The following CELF4 variants were observed in gnomAD, a reference collection of about 807,000 sequenced individuals.
CELF4 encodes the protein CUGBP Elav-like family member 4, also known as CUG-BP- and ETR-3-like factor 4.
In CELF4, 18 loss-of-function variants were observed where a neutral mutation model predicts 59.9. That is an observed-to-expected ratio of 0.30 (90% CI 0.21 to 0.45). The LOEUF (loss-of-function observed/expected upper bound fraction) is 0.45, where lower values mean the gene tolerates loss of function less well. Among genes scored for constraint, CELF4 ranks in the 20% least tolerant of loss-of-function variants. CELF4 has a pLI of 1.00. For synonymous variants in CELF4, 261 were observed against 267.1 expected (o/e 0.98, Z 0.22); for missense variants, 456 against 689.0 (o/e 0.66, Z 3.79).
chr18:37,371,025 C>T (rs540666970), intron 2 of CELF4, among the ~76,000 whole-genome samples: 4 of 152,262 alleles, frequency 2.6e-5, no homozygotes, highest in East Asian at 1.9e-4. Flanking sequence ...AGCACTTGCC[C>T]GTGGGCACAG....
At chr18:37,342,013 C>A (rs1433451104) in intron 2 of CELF4, among the ~76,000 whole-genome samples, 1 of 152,042 alleles carries the variant, frequency 6.6e-6, no homozygotes, top group African/African-American at 2.4e-5. Context: ...GTCTGTGGTG[C>A]TTGGTGTTGT....
intron 1 of CELF4, among the ~76,000 whole-genome samples, chr18:37,536,460 A>G (rs1181393359): frequency 2.6e-5 from 4 of 152,192 alleles, no homozygotes; most frequent in Admixed American, 2.6e-4. Flanking sequence ...AGCAACAGCC[A>G]TCTTCTCAGC....
chr18:37,458,946 G>T (rs1226660188), intron 2 of CELF4, among the ~76,000 whole-genome samples: 1 of 152,220 alleles, frequency 6.6e-6, no homozygotes, highest in East Asian at 1.9e-4. Flanking sequence ...TGCAGGCTGA[G>T]CTCATCAGTA....
chr18:37,446,061 C>T (rs973131962), intron 2 of CELF4, among the ~76,000 whole-genome samples: 2 of 152,028 alleles, frequency 1.3e-5, no homozygotes, highest in East Asian at 1.9e-4. Flanking sequence ...GCTTTGTTAG[C>T]GCCATCCTCC....
intron 2 of CELF4, among the ~76,000 whole-genome samples, chr18:37,453,268 A>G (rs2154601770): frequency 6.6e-6 from 1 of 152,324 alleles, no homozygotes; most frequent in African/African-American, 2.4e-5. Flanking sequence ...TGTTCTTGCC[A>G]TTTGCTGAAT....
At chr18:37,281,524 G>T (rs1274680617) in intron 3 of CELF4, among the ~76,000 whole-genome samples, 1 of 152,206 alleles carries the variant, frequency 6.6e-6, no homozygotes, top group Non-Finnish European at 1.5e-5. Flanking sequence ...CTGGGGTCAG[G>T]GACCAGGGTG....
chr18:37,266,688 G>T, intron 8 of CELF4, 90 bp from the exon 9 acceptor site: 1 of 1,114,280 alleles, frequency 9.0e-7, no homozygotes, highest in Non-Finnish European at 1.3e-6. Flanking sequence ...TAGCTGTACT[G>T]CCTTTTCTGG....
intron 2 of CELF4, among the ~76,000 whole-genome samples, chr18:37,437,721 C>T (rs889995885): frequency 6.6e-6 from 1 of 152,176 alleles, no homozygotes; most frequent in East Asian, 1.9e-4. Context: ...GTAGAGTTGT[C>T]TTCTCAGCCT....
At chr18:37,383,294 G>A (rs1354026384) in intron 2 of CELF4, among the ~76,000 whole-genome samples, 1 of 152,176 alleles carries the variant, frequency 6.6e-6, no homozygotes, top group Non-Finnish European at 1.5e-5. Context: ...AGGTAGCAGG[G>A]AGACGTGGGT....
chr18:37,490,262 G>A (rs2099896805), intron 1 of CELF4, among the ~76,000 whole-genome samples: 2 of 152,102 alleles, frequency 1.3e-5, no homozygotes, highest in Admixed American at 1.3e-4. Flanking sequence ...ACTGAAAACA[G>A]GGAGTACGGG....
At chr18:37,534,903 G>A (rs1446471565) in intron 1 of CELF4, among the ~76,000 whole-genome samples, 1 of 152,190 alleles carries the variant, frequency 6.6e-6, no homozygotes, top group African/African-American at 2.4e-5. Context: ...AGCAGGGGCT[G>A]GGGCTGCACA....
intron 2 of CELF4, among the ~76,000 whole-genome samples, chr18:37,428,825 C>A (rs942106735): frequency 1.3e-5 from 2 of 152,206 alleles, no homozygotes; most frequent in African/African-American, 4.8e-5. Context: ...ACACCCCGCA[C>A]TCCCTAGTGG....
chr18:37,377,034 C>T (rs1014703000), intron 2 of CELF4, among the ~76,000 whole-genome samples: 13 of 149,920 alleles, frequency 8.7e-5, no homozygotes, highest in African/African-American at 3.0e-4. Context: ...GGAGGGAGGA[C>T]AGAGGAAGAT....
At chr18:37,447,430 G>C (rs953381620) in intron 2 of CELF4, among the ~76,000 whole-genome samples, 3 of 152,236 alleles carry the variant, frequency 2.0e-5, no homozygotes, top group Non-Finnish European at 4.4e-5. Flanking sequence ...AGTGCTCACT[G>C]TCAGAGTCGG....
At chr18:37,319,036 G>T (rs745844866) in intron 3 of CELF4, among the ~76,000 whole-genome samples, 1 of 152,158 alleles carries the variant, frequency 6.6e-6, no homozygotes, top group Admixed American at 6.5e-5. Context: ...CCCCCGCCTG[G>T]GGGATCTCCT....
Position 37,443,602 on chromosome 18 carries a change from G to A in CELF4, c.369+41923C>T, listed in dbSNP as rs192038607. Among the ~76,000 whole-genome samples the A allele has an allele frequency of 2.2e-3, 335 of 152,288 alleles. 2 individuals carry two copies. The highest frequency in any genetic ancestry group is 7.7e-3 in the African/African-American group (321 of 41,576). ...GCTTTCATCCCTGAATGGCTGGAGA[G>A]TGGCTCCAAGGCTCCCCTGGAAGGC... On this transcript the variant is annotated intron_variant, in intron 2 of 12. Coordinates refer to ENST00000420428, the MANE Select transcript of CELF4 (RefSeq NM_020180.4).
At chr18:37,342,949 G>A (rs1199889510) in intron 2 of CELF4, among the ~76,000 whole-genome samples, 1 of 152,182 alleles carries the variant, frequency 6.6e-6, no homozygotes, top group Admixed American at 6.5e-5. Context: ...GTGGGAACAT[G>A]ACCCCCACTG....
chr18:37,328,243 C>T (rs1374055885), intron 2 of CELF4, among the ~76,000 whole-genome samples: 1 of 152,128 alleles, frequency 6.6e-6, no homozygotes, highest in African/African-American at 2.4e-5. Flanking sequence ...CAGGGGGATT[C>T]GCATTGAACG....
chr18:37,409,915 C>T (rs1182707797), intron 2 of CELF4, among the ~76,000 whole-genome samples: 1 of 152,228 alleles, frequency 6.6e-6, no homozygotes, highest in Admixed American at 6.5e-5. Context: ...TGACCCTTCA[C>T]ATGCAGCGCC....
Sources: gnomAD v4.1 joint callset for allele counts (sites outside exome capture counted in the v4.1 genomes callset) on GRCh38, gnomAD v4.1.1 for gene constraint, MANE v1.5 for transcripts, NCBI Gene and HGNC (gene_info 2026-07-23, HGNC 2026-07-21) for gene names.